SAMD3: variants seen among roughly 807,000 people sequenced by gnomAD.
The protein encoded by SAMD3 is sterile alpha motif domain containing 3.
SAMD3 carries 63 observed loss-of-function variants against 58.5 expected under a neutral mutation model. That is an observed-to-expected ratio of 1.08 (90% CI 0.88 to 1.33). The LOEUF (loss-of-function observed/expected upper bound fraction) is 1.33, where lower values mean the gene tolerates loss of function less well. SAMD3 is among the 40% of genes most tolerant of loss of function. The pLI is 0.00. For missense variants in SAMD3, 604 were observed against 608.4 expected (o/e 0.99, Z 0.08); for synonymous variants, 220 against 210.3 (o/e 1.05, Z -0.40).
chr6:130,280,803 C>A (rs1205035265), intron 2 of SAMD3, among the ~76,000 whole-genome samples: 1 of 152,052 alleles, frequency 6.6e-6, no homozygotes, highest in Non-Finnish European at 1.5e-5. Flanking sequence ...ATTTAGTAAT[C>A]ATCTATATCA....
At chr6:130,282,978 G>C (rs769570397) in intron 2 of SAMD3, among the ~76,000 whole-genome samples, 6 of 152,058 alleles carry the variant, frequency 3.9e-5, no homozygotes, top group Non-Finnish European at 8.8e-5. Flanking sequence ...AAGAATTTCA[G>C]CTCCTAGGGC....
chr6:130,233,713 T>C (rs1471342534), intron 2 of SAMD3, among the ~76,000 whole-genome samples: 1 of 152,220 alleles, frequency 6.6e-6, no homozygotes, highest in Admixed American at 6.5e-5. Context: ...TCTATCATCA[T>C]GGAAGCTTAT....
At chr6:130,145,958 A>C (rs951539764) in intron 10 of SAMD3, 52 bp downstream of exon 10, 2 of 1,139,758 alleles carry the variant, frequency 1.8e-6, no homozygotes, top group Non-Finnish European at 1.2e-6. Context: ...ACTTTTCTAG[A>C]TATTCTGATA....
intron 1 of SAMD3, among the ~76,000 whole-genome samples, chr6:130,320,531 C>T (rs999798360): frequency 6.6e-6 from 1 of 152,096 alleles, no homozygotes; most frequent in Non-Finnish European, 1.5e-5. Flanking sequence ...TCAGGTATTG[C>T]GTGCTCATGT....
At chr6:130,187,147 T>G (rs1250533552) in intron 5 of SAMD3, among the ~76,000 whole-genome samples, 3 of 152,158 alleles carry the variant, frequency 2.0e-5, no homozygotes, top group African/African-American at 7.2e-5. Flanking sequence ...CTATTTCCTT[T>G]TCCCCAGTGA....
intron 1 of SAMD3, among the ~76,000 whole-genome samples, chr6:130,344,342 C>T (rs1385517753): frequency 1.3e-5 from 2 of 152,168 alleles, no homozygotes; most frequent in Non-Finnish European, 2.9e-5. Context: ...ATATATTCTG[C>T]TTAAACATTC....
At chr6:130,239,325 T>C (rs1409699719) in intron 2 of SAMD3, among the ~76,000 whole-genome samples, 1 of 152,218 alleles carries the variant, frequency 6.6e-6, no homozygotes, top group Non-Finnish European at 1.5e-5. Flanking sequence ...ATGAGTAAAC[T>C]GTAAACCATC....
chr6:130,244,630 C>T (rs1773474863), intron 2 of SAMD3, among the ~76,000 whole-genome samples: 1 of 152,060 alleles, frequency 6.6e-6, no homozygotes, highest in African/African-American at 2.4e-5. Context: ...ATCCCAGCTA[C>T]TCGGGAGGCC....
At chr6:130,149,183 T>C (rs1182747163) in intron 9 of SAMD3, among the ~76,000 whole-genome samples, 2 of 152,180 alleles carry the variant, frequency 1.3e-5, no homozygotes, top group Non-Finnish European at 2.9e-5. Context: ...TATCTCAGTG[T>C]ATTTACTTAT....
intron 8 of SAMD3, chr6:130,161,500 T>G (rs906597906): frequency 2.0e-5 from 3 of 152,164 alleles, no homozygotes; most frequent in African/African-American, 7.2e-5. Context: ...ATCAGACTGA[T>G]GGGATTAACA....
chr6:130,331,766 A>G (rs1205881389), intron 1 of SAMD3, among the ~76,000 whole-genome samples: 1 of 152,222 alleles, frequency 6.6e-6, no homozygotes, highest in Non-Finnish European at 1.5e-5. Flanking sequence ...CCAGCATTTT[A>G]TGCTAACTAG....
chr6:130,273,327 G>C (rs1161639386), intron 2 of SAMD3, among the ~76,000 whole-genome samples: 1 of 151,940 alleles, frequency 6.6e-6, no homozygotes, highest in East Asian at 1.9e-4. Flanking sequence ...GCTCTCATTT[G>C]GTCACTATTT....
intron 1 of SAMD3, among the ~76,000 whole-genome samples, chr6:130,319,340 A>C (rs1421802256): frequency 1.3e-5 from 2 of 152,208 alleles, no homozygotes; most frequent in Non-Finnish European, 2.9e-5. Flanking sequence ...ATGCAAAGAC[A>C]CGTTATAATG....
chr6:130,348,142 A>T (rs546292613), intron 1 of SAMD3, among the ~76,000 whole-genome samples: 10 of 152,356 alleles, frequency 6.6e-5, no homozygotes, highest in Middle Eastern at 3.4e-3. Context: ...TGTAAAGAAC[A>T]TCGAGGCTAG....
chr6:130,315,576 A>G (rs1395944462), intron 1 of SAMD3, among the ~76,000 whole-genome samples: 2 of 152,182 alleles, frequency 1.3e-5, no homozygotes, highest in Non-Finnish European at 2.9e-5. Flanking sequence ...TAAATTGTTG[A>G]CACGAATAGA....
At chr6:130,342,493 T>C (rs1714191386) in intron 1 of SAMD3, among the ~76,000 whole-genome samples, 1 of 152,178 alleles carries the variant, frequency 6.6e-6, no homozygotes, top group Admixed American at 6.5e-5. Context: ...TTAATTAAAG[T>C]TAATCTCTTT....
intron 4 of SAMD3, among the ~76,000 whole-genome samples, chr6:130,212,707 C>T (rs1795674086): frequency 6.6e-6 from 1 of 152,214 alleles, no homozygotes; most frequent in Non-Finnish European, 1.5e-5. Context: ...TACTTGAGAA[C>T]ATTATAAACT....
At chr6:130,203,738 A>C (rs1794840901) in intron 5 of SAMD3, among the ~76,000 whole-genome samples, 1 of 152,162 alleles carries the variant, frequency 6.6e-6, no homozygotes, top group African/African-American at 2.4e-5. Context: ...TACTTCCCCA[A>C]CCCAGAGCTC....
In SAMD3 at chr6:130,154,791, T is replaced by C. The variant is rs756640522; in HGVS notation, c.1023+34A>G. On this transcript the variant is annotated intron_variant, in intron 9 of 11. Transcript: ENST00000439090. ...ATGTGTGTGTGTGTATATACATATA[T>C]ATGTGTGTGTATATATATATAGAAT... 1.0e-5 allele frequency: 12 copies of C among 1,181,940 alleles called. No homozygotes were observed. In the East Asian group the frequency reaches 3.0e-4, roughly 29 times the overall value. The allele number at this position is 1,181,940 out of a possible 1,614,324, so 73.2% of individuals were successfully genotyped here.
Sources: allele counts gnomAD v4.1 joint callset (sites outside exome capture counted in the v4.1 genomes callset), GRCh38; gene constraint gnomAD v4.1.1; transcripts MANE v1.5; gene names NCBI Gene and HGNC (gene_info 2026-07-23, HGNC 2026-07-21).